Variants in CRTAP observed in about 807,000 individuals in gnomAD.
The protein encoded by CRTAP is cartilage-associated protein.
CRTAP carries 33 observed loss-of-function variants against 42.7 expected under a neutral mutation model. The ratio of observed to expected loss-of-function variants is 0.77; its 90% confidence interval spans 0.59 to 1.03. The LOEUF (loss-of-function observed/expected upper bound fraction) is 1.03. CRTAP is among the 50% of genes least tolerant of loss of function. The pLI, the probability that CRTAP is intolerant of heterozygous loss-of-function variation, is 0.00. For missense variants in CRTAP, 613 were observed against 533.9 expected, an observed-to-expected ratio of 1.15 and a Z score of -1.46; for synonymous variants, 243 against 217.7, an observed-to-expected ratio of 1.12 and a Z score of -1.02.
At chr3:33,138,232 C>T (rs890616004) in intron 6 of CRTAP, among the ~76,000 whole-genome samples, 2 of 152,040 alleles carry the variant, frequency 1.3e-5, no homozygotes, top group African/African-American at 4.8e-5. Flanking sequence ...TATTTTGGGT[C>T]CTGTACATTT....
In CRTAP at chr3:33,142,745, C is replaced by G. The variant is rs1434023121; in HGVS notation, c.*297C>G. 6.1e-6 allele frequency: 2 copies of G among 330,140 alleles called. No homozygotes were observed. Among genetic ancestry groups the G allele is most frequent in the Non-Finnish European group, 1.2e-5 (2 of 171,892 alleles). The allele number at this position is 330,140 out of a possible 1,614,324, so 20.5% of individuals were successfully genotyped here. ...TCTCAGCTCACTGCAACCTCCGCCT[C>G]TTGGGTTCAAGCAATTCTGCTGCAT... On this transcript the variant is annotated 3_prime_UTR_variant, in exon 7 of 7. Coordinates refer to ENST00000320954, the MANE Select transcript of CRTAP (RefSeq NM_006371.5).
chr3:33,133,840 A>C (rs1170938066), intron 5 of CRTAP, among the ~76,000 whole-genome samples: 1 of 152,174 alleles, frequency 6.6e-6, no homozygotes, highest in African/African-American at 2.4e-5. Context: ...AACCCCATTC[A>C]TTATATATTA....
intron 2 of CRTAP, among the ~76,000 whole-genome samples, chr3:33,124,005 A>C (rs1043638985): frequency 6.6e-6 from 1 of 152,218 alleles, no homozygotes; most frequent in Admixed American, 6.5e-5. Context: ...TGACAAATAC[A>C]TCCAGTCCTG....
In CRTAP at chr3:33,143,303, A is replaced by G. The variant is rs1477371773; in HGVS notation, c.*855A>G. On this transcript the variant is annotated 3_prime_UTR_variant, in exon 7 of 7. Transcript: ENST00000320954. ...GTCTTCACTTGGTCTGACTTGTACC[A>G]ATTCTAGCACCCACTGAAAAACAAG... 1.3e-5 allele frequency: 2 copies of G among 152,242 alleles called. No individual in the cohort carries two copies. Among genetic ancestry groups the G allele is most frequent in the African/African-American group, 4.8e-5 (2 of 41,466 alleles). 9.4% of individuals were successfully genotyped at this position (152,242 alleles called of 1,614,324 possible).
Position 33,129,956 on chromosome 3 carries a change from C to T in CRTAP, c.811C>T (p.Leu271=). ...LSIADHYVEV[L]ECKIQCEENL... ...TGTTTCAGATCATTATGTAGAAGTT[C>T]TGGAATGCAAAATACAGTGTGAAGA... The change falls in exon 4 of 7, where the codon CTG becomes TTG. Residue 271 remains leucine (L), a synonymous_variant. Coordinates refer to ENST00000320954, the MANE Select transcript of CRTAP (RefSeq NM_006371.5). The T allele has an allele frequency of 1.2e-6, 2 of 1,613,476 alleles. No individual in the cohort carries two copies. The highest frequency in any genetic ancestry group is 1.7e-6 in the Non-Finnish European group (2 of 1,179,470).
intron 1 of CRTAP, among the ~76,000 whole-genome samples, chr3:33,115,069 G>C (rs1701327931): frequency 1.3e-5 from 2 of 152,124 alleles, no homozygotes; most frequent in African/African-American, 2.4e-5. Flanking sequence ...TCAGCCTCCT[G>C]AGTAGCTGGG....
In CRTAP at chr3:33,145,424, C is replaced by T. The variant is rs886058366; in HGVS notation, c.*2976C>T. On this transcript the variant is annotated 3_prime_UTR_variant, in exon 7 of 7. Coordinates refer to ENST00000320954, the MANE Select transcript of CRTAP (RefSeq NM_006371.5). This position sits in a 1 kb window ranked among gnomAD's most constrained non-coding sequence, Gnocchi z 4.3. ...GATGCGTCAGATCTTACGTGGCTTC[C>T]TGCTGGGGGAGATGGCCTTCACCCA... 1.3e-5 allele frequency: 2 copies of T among 152,382 alleles called. No homozygotes were observed. The highest frequency in any genetic ancestry group is 4.8e-5 in the African/African-American group (2 of 41,456). 9.4% of individuals were successfully genotyped at this position (152,382 alleles called of 1,614,324 possible).
At chr3:33,131,334 C>CAGAAAA (rs1470103289) in intron 4 of CRTAP, among the ~76,000 whole-genome samples, 1 of 151,206 alleles carries the variant, frequency 6.6e-6, no homozygotes, top group African/African-American at 2.4e-5. Context: ...CCCTGAAGGT[C>CAGAAAA]AGAAAAAGAA....
intron 2 of CRTAP, among the ~76,000 whole-genome samples, chr3:33,123,366 G>A (rs1575515812): frequency 1.3e-5 from 2 of 152,254 alleles, no homozygotes; most frequent in East Asian, 3.9e-4. Context: ...TTTATTAATG[G>A]TTTAGCACCA....
chr3:33,134,200 A>T lies in CRTAP; in HGVS notation c.1087A>T (p.Asn363Tyr). ...QPRPEAVQFF[N>Y]VTTLQKELYD... ...TGAACAGGAAGCAGTTCAGTTCTTT[A>T]ATGTGACCACACTCCAGAAGGAGCT... is the stretch of plus-strand genomic sequence containing the variant. The change falls in exon 6 of 7, where the codon AAT (asparagine) becomes TAT (tyrosine). Residue 363 changes from asparagine to tyrosine, a missense_variant. By Grantham distance (143) the Asn-to-Tyr change is moderately radical (BLOSUM62 -2). Coordinates refer to ENST00000320954, the MANE Select transcript of CRTAP (RefSeq NM_006371.5). The T allele has an allele frequency of 6.2e-7, 1 of 1,612,982 alleles. No homozygotes were observed. Among genetic ancestry groups the T allele is most frequent in the Non-Finnish European group, 8.5e-7 (1 of 1,178,926 alleles).
Position 33,137,388 on chromosome 3 carries a change from G to A in CRTAP, c.1152+3123G>A, listed in dbSNP as rs146752938. Among the ~76,000 whole-genome samples, 57 of 152,234 alleles carry A rather than the reference G, an allele frequency of 3.7e-4. 1 individual carries two copies. In the Middle Eastern group the frequency reaches 0.01, roughly 27 times the overall value. ...ACTCCTGACCTCAGGCGATCCACCC[G>A]CCTCAGCCTCCCAAAATGCTGGGAT... is the stretch of plus-strand genomic sequence containing the variant. On this transcript the variant is annotated intron_variant, in intron 6 of 6. Transcript: ENST00000320954.
intron 6 of CRTAP, among the ~76,000 whole-genome samples, chr3:33,137,207 C>G (rs960361143): frequency 1.2e-4 from 19 of 152,074 alleles, no homozygotes; most frequent in African/African-American, 4.3e-4. Flanking sequence ...ATGGTGCGAT[C>G]TCGGCTCACT....
At chr3:33,126,253 G>A (rs1189370749) in intron 3 of CRTAP, among the ~76,000 whole-genome samples, 1 of 152,166 alleles carries the variant, frequency 6.6e-6, no homozygotes, top group Non-Finnish European at 1.5e-5. Context: ...CATTTCACTT[G>A]GCATAATGTC....
At chr3:33,139,665 C>T (rs898501354) in intron 6 of CRTAP, among the ~76,000 whole-genome samples, 1 of 152,006 alleles carries the variant, frequency 6.6e-6, no homozygotes, top group South Asian at 2.1e-4. Context: ...TTAGTAGAGA[C>T]GGGGGTTTCA....
chr3:33,114,117 C>G lies in CRTAP; in HGVS notation c.40C>G (p.Leu14Val), dbSNP rs909805285. The G allele has an allele frequency of 1.3e-6, 2 of 1,532,460 alleles. No homozygotes were observed. Among genetic ancestry groups the G allele is most frequent in the Non-Finnish European group, 1.7e-6 (2 of 1,150,554 alleles). The allele number at this position is 1,532,460 out of a possible 1,614,324, so 94.9% of individuals were successfully genotyped here. A position where few individuals can be genotyped will look rare whatever the true frequency, so the allele number is the denominator to read the frequency against. ...CCGGGGGGCCGCGGCGCTGCTAGCG[C>G]TGCTGTGCGTGGCCTGCGCGCTGCG... is the stretch of plus-strand genomic sequence containing the variant. ...GRRGAAALLA[L>V]LCVACALRAG... The change falls in exon 1 of 7, where the codon CTG (leucine) becomes GTG (valine). Residue 14 changes from leucine to valine, a missense_variant. By Grantham distance (32) the Leu-to-Val change is conservative. Transcript: ENST00000320954.
rs770848851 is a variant in CRTAP at position 33,134,211 on chromosome 3, A to G, written c.1098A>G (p.Thr366=). The part of the protein sequence containing the change: ...PEAVQFFNVT[T]LQKELYDFAK... ...CAGTTCAGTTCTTTAATGTGACCAC[A>G]CTCCAGAAGGAGCTGTATGACTTTG... Residue 366 remains threonine (T), a synonymous_variant, in exon 6 of 7, where the codon ACA becomes ACG. Coordinates refer to ENST00000320954, the MANE Select transcript of CRTAP (RefSeq NM_006371.5). 6.2e-7 allele frequency: 1 copy of G among 1,613,644 alleles called. No homozygotes were observed. The highest frequency in any genetic ancestry group is 8.5e-7 in the Non-Finnish European group (1 of 1,179,544).
At chr3:33,128,071 A>T (rs1202057891) in intron 3 of CRTAP, among the ~76,000 whole-genome samples, 1 of 152,108 alleles carries the variant, frequency 6.6e-6, no homozygotes, top group Non-Finnish European at 1.5e-5. Context: ...TTTATTTCAG[A>T]ACTATTTGGA....
intron 6 of CRTAP, 62 bp from the exon 7 acceptor site, chr3:33,142,333 T>C (rs1443136369): frequency 1.4e-6 from 2 of 1,426,692 alleles, no homozygotes; most frequent in Non-Finnish European, 2.0e-6. Flanking sequence ...CTGTTTCTGC[T>C]CATCAGTACT....
At chr3:33,130,525 C>CTTTTTTTTTTTTTTTTT (rs765558103) in intron 4 of CRTAP, among the ~76,000 whole-genome samples, 72 of 55,280 alleles carry the variant, frequency 1.3e-3, no homozygotes, top group East Asian at 2.0e-3. Flanking sequence ...CTTTTCTTTT[C>CTTTTTTTTTTTTTTTTT]TTTTTTTTTT....
Sources: allele counts gnomAD v4.1 joint callset (sites outside exome capture counted in the v4.1 genomes callset), GRCh38; gene constraint gnomAD v4.1.1; non-coding constraint Gnocchi (gnomAD v3.1); transcripts MANE v1.5; gene names NCBI Gene and HGNC (gene_info 2026-07-23, HGNC 2026-07-21).